Variants in NALCN observed in about 807,000 individuals in gnomAD.
The protein encoded by NALCN is sodium leak channel NALCN.
In NALCN, 111 loss-of-function variants were observed where a neutral mutation model predicts 225.3. The observed-to-expected ratio is 0.49, with a 90% CI of 0.42 to 0.58. The LOEUF is 0.58. Among genes scored for constraint, NALCN ranks in the 20% least tolerant of loss-of-function variants. NALCN has a pLI of 0.00. For synonymous variants in NALCN, 764 were observed against 769.0 expected (o/e 0.99, Z 0.11); for missense variants, 1,378 against 2,202.4 (o/e 0.63, Z 7.49).
chr13:101,200,090 C>T (rs1355434998), intron 13 of NALCN, among the ~76,000 whole-genome samples: 1 of 152,066 alleles, frequency 6.6e-6, no homozygotes, highest in Non-Finnish European at 1.5e-5. Context: ...GTTCTGATGA[C>T]TTCCACAGTT....
chr13:101,407,492 A>G (rs2047657006), intron 1 of NALCN, among the ~76,000 whole-genome samples: 1 of 152,250 alleles, frequency 6.6e-6, no homozygotes, highest in Non-Finnish European at 1.5e-5. Context: ...ACTACTGTGC[A>G]TAATTATAGA....
At chr13:101,055,601 C>T (rs369445848) in intron 43 of NALCN, 113 bp from the exon 44 acceptor site, 5 of 792,596 alleles carry the variant, frequency 6.3e-6, no homozygotes, top group Non-Finnish European at 7.9e-6. Context: ...CGTGTCCTAG[C>T]CACAGATGCT....
At chr13:101,329,900 G>A (rs370925835) in intron 7 of NALCN, among the ~76,000 whole-genome samples, 10 of 151,916 alleles carry the variant, frequency 6.6e-5, no homozygotes, top group South Asian at 2.1e-4. Flanking sequence ...TTAGCCGGGC[G>A]TGGTGGCTCA....
At chr13:101,080,659 A>G (rs1185060729) in intron 34 of NALCN, among the ~76,000 whole-genome samples, 4 of 146,670 alleles carry the variant, frequency 2.7e-5, no homozygotes, top group Non-Finnish European at 4.5e-5. Context: ...TATAATATAT[A>G]ACTATATAAA....
chr13:101,258,305 T>G, intron 11 of NALCN, 138 bp downstream of exon 11: 3 of 1,298,364 alleles, frequency 2.3e-6, no homozygotes, highest in Non-Finnish European at 2.1e-6. Context: ...AGGAACCACT[T>G]AAGAAGCAGA....
At chr13:101,222,261 T>C (rs2040968876) in intron 13 of NALCN, among the ~76,000 whole-genome samples, 2 of 152,098 alleles carry the variant, frequency 1.3e-5, no homozygotes, top group South Asian at 4.1e-4. Flanking sequence ...CCTTCAGGTA[T>C]TTTCTTCTCA....
chr13:101,358,198 A>G (rs1404459148), intron 6 of NALCN, among the ~76,000 whole-genome samples: 1 of 152,110 alleles, frequency 6.6e-6, no homozygotes, highest in East Asian at 1.9e-4. Context: ...TAATTAAACT[A>G]GAAGTACTAA....
intron 13 of NALCN, among the ~76,000 whole-genome samples, chr13:101,202,555 C>CT (rs1222932211): frequency 3.9e-5 from 6 of 152,100 alleles, no homozygotes; most frequent in Admixed American, 6.5e-5. Flanking sequence ...ATCTCTCTGT[C>CT]TTTTTTTGTG....
At chr13:101,358,212 G>A (rs2046119864) in intron 6 of NALCN, among the ~76,000 whole-genome samples, 1 of 152,104 alleles carries the variant, frequency 6.6e-6, no homozygotes, top group Non-Finnish European at 1.5e-5. Context: ...GTACTAAAGA[G>A]CTTATGCACA....
At position 101,054,752 on chromosome 13, in the gene NALCN, A is replaced by AAGAT. The variant is rs2031002374; in HGVS notation, c.*539_*542dup. On this transcript the variant is annotated 3_prime_UTR_variant, in exon 44 of 44. Transcript: ENST00000251127. ...TTTAAAAATATAACACGAGAAAAAG[A>AAGAT]AGATACTTTTTAAAATTCAGAATCT... 1 of 152,384 alleles carries AAGAT rather than the reference A, an allele frequency of 6.6e-6. No individual in the cohort carries two copies. The highest frequency in any genetic ancestry group is 3.4e-3 in the Middle Eastern group (1 of 294). The allele number at this position is 152,384 out of a possible 1,614,324, so 9.4% of individuals were successfully genotyped here.
intron 10 of NALCN, among the ~76,000 whole-genome samples, chr13:101,266,040 GTCTCTGTGCTGGATTTCACC>G (rs907142737): frequency 3.9e-5 from 6 of 152,198 alleles, no homozygotes; most frequent in African/African-American, 1.2e-4. Flanking sequence ...TTTAAATCTT[GTCTCTGTGCTGGATTTCACC>G]TTTCTGTGAC....
chr13:101,068,742 C>T lies in NALCN; in HGVS notation c.4283G>A (p.Cys1428Tyr), dbSNP rs1346969620. Residue 1428 changes from cysteine to tyrosine, a missense_variant, in exon 38 of 44, where the codon TGT becomes TAT. Around this residue, in one of 19 missense-constraint regions of NALCN, gnomAD observed 76 missense variants for 118.7 expected, o/e 0.64. Transcript: ENST00000251127. ...GNYAGALMYFCSFYVIIAYIM... is the reference protein window; with the variant it reads ...GNYAGALMYFYSFYVIIAYIM... ...GTAGGCAATGATGACATAAAATGAA[C>T]AGAAATACATAAGTGCCCCAGCATA... 2 of 1,611,392 alleles carry T rather than the reference C, an allele frequency of 1.2e-6. No individual in the cohort carries two copies. Among genetic ancestry groups the T allele is most frequent in the Non-Finnish European group, 1.7e-6 (2 of 1,178,936 alleles).
At chr13:101,132,112 C>T (rs2036548404) in intron 17 of NALCN, among the ~76,000 whole-genome samples, 1 of 151,268 alleles carries the variant, frequency 6.6e-6, no homozygotes, top group African/African-American at 2.4e-5. Context: ...TAATTTAAGC[C>T]TTTATTTCTT....
chr13:101,182,370 C>G (rs117844185), intron 14 of NALCN, among the ~76,000 whole-genome samples: 1 of 152,098 alleles, frequency 6.6e-6, no homozygotes, highest in African/African-American at 2.4e-5. Context: ...TGGGAAAACG[C>G]TGCGTGACTT....
chr13:101,252,995 T>C (rs2140197769), intron 11 of NALCN, among the ~76,000 whole-genome samples: 1 of 152,102 alleles, frequency 6.6e-6, no homozygotes, highest in East Asian at 1.9e-4. Flanking sequence ...ATAAGAAAAA[T>C]ATTGCTTATA....
At chr13:101,408,686 CCTT>C (rs901979309) in intron 1 of NALCN, among the ~76,000 whole-genome samples, 7 of 152,136 alleles carry the variant, frequency 4.6e-5, no homozygotes, top group African/African-American at 1.7e-4. Context: ...CTGCCTCTCT[CCTT>C]CTCTCTCTCT....
intron 6 of NALCN, among the ~76,000 whole-genome samples, chr13:101,360,108 CTCTT>C (rs1303392244): frequency 7.0e-6 from 1 of 142,266 alleles, no homozygotes; most frequent in Non-Finnish European, 1.5e-5. Context: ...CTTTCTCTTT[CTCTT>C]TTTCTTTCCT....
At chr13:101,135,120 G>A (rs898655355) in intron 17 of NALCN, among the ~76,000 whole-genome samples, 2 of 152,162 alleles carry the variant, frequency 1.3e-5, no homozygotes, top group East Asian at 1.9e-4. Context: ...GCGTGAACCC[G>A]GGAGGCGGAG....
At chr13:101,334,282 A>C (rs1479830222) in intron 7 of NALCN, among the ~76,000 whole-genome samples, 3 of 151,062 alleles carry the variant, frequency 2.0e-5, no homozygotes, top group Non-Finnish European at 4.4e-5. Flanking sequence ...CAGTTCAGAC[A>C]GAAGGGAGAT....
Sources: allele counts gnomAD v4.1 joint callset (sites outside exome capture counted in the v4.1 genomes callset), GRCh38; gene constraint gnomAD v4.1.1; regional missense constraint gnomAD v4.1.1; transcripts MANE v1.5; gene names NCBI Gene and HGNC (gene_info 2026-07-23, HGNC 2026-07-21).